PCDHGA10: variants seen among roughly 807,000 people sequenced by gnomAD.
PCDHGA10 encodes protocadherin gamma-A10.
PCDHGA10 carries 42 observed loss-of-function variants against 59.5 expected under a neutral mutation model. The ratio of observed to expected loss-of-function variants is 0.71; its 90% CI spans 0.55 to 0.91. The LOEUF (loss-of-function observed/expected upper bound fraction) is 0.91. Among genes scored for constraint, PCDHGA10 ranks in the 40% least tolerant of loss-of-function variants. The pLI, the probability that PCDHGA10 is intolerant of heterozygous loss-of-function variation, is 0.00. For missense variants in PCDHGA10, 1,111 were observed against 1,198.2 expected (o/e 0.93, Z 1.07); for synonymous variants, 511 against 517.2 (o/e 0.99, Z 0.16).
chr5:141,434,802 G>A (rs1009500775), intron 1 of PCDHGA10, among the ~76,000 whole-genome samples: 10 of 151,488 alleles, frequency 6.6e-5, no homozygotes, highest in African/African-American at 2.4e-4. Flanking sequence ...TTCTGAGCTT[G>A]GAGAAATATA....
rs1280755615 is a variant in PCDHGA10, at chr5:141,431,629, A to G, written c.2436+16018A>G. 1 of 1,614,246 alleles carries G rather than the reference A, an allele frequency of 6.2e-7. No individual in the cohort carries two copies. ...GGTATGTGGACGACAAGGCGGCCCA[A>G]GTTTTCAAACTAGATTGTAATTCAG... On this transcript the variant is annotated intron_variant, in intron 1 of 3. Transcript: ENST00000398610. The surrounding 1 kb of genome is among the most constrained non-coding windows in gnomAD (Gnocchi z 4.8).
At chr5:141,468,755 A>G (rs918829539) in intron 1 of PCDHGA10, among the ~76,000 whole-genome samples, 3 of 151,976 alleles carry the variant, frequency 2.0e-5, no homozygotes, top group African/African-American at 7.2e-5. Flanking sequence ...AGTCCCAGCT[A>G]CTCGGGAGGC....
Position 141,487,413 on chromosome 5 carries a change from A to G in PCDHGA10, c.2437-7394A>G, listed in dbSNP as rs1562119204. The G allele has an allele frequency of 1.2e-6, 2 of 1,614,172 alleles. No homozygotes were observed. The highest frequency in any genetic ancestry group is 2.2e-5 in the East Asian group (1 of 44,862). ...AGGAGGGAGGGGCTTCCCCCTTCCA[A>G]TGGGATCCTCCGAATCCAGCTAGGG... On this transcript the variant is annotated intron_variant, in intron 1 of 3. Coordinates refer to ENST00000398610, the MANE Select transcript of PCDHGA10 (RefSeq NM_018913.3). This position sits in a 1 kb window ranked among gnomAD's most constrained non-coding sequence, Gnocchi z 5.0.
intron 1 of PCDHGA10, among the ~76,000 whole-genome samples, chr5:141,445,490 C>T (rs1181158971): frequency 6.6e-6 from 1 of 152,134 alleles, no homozygotes; most frequent in Non-Finnish European, 1.5e-5. Flanking sequence ...AGTTAATGGG[C>T]CCTATTCTAA....
At chr5:141,473,733 G>A (rs943072050) in intron 1 of PCDHGA10, among the ~76,000 whole-genome samples, 19 of 152,214 alleles carry the variant, frequency 1.2e-4, no homozygotes, top group Admixed American at 3.9e-4. Flanking sequence ...GAGAGAGGGA[G>A]AAGACATGAG....
chr5:141,414,706 A>G lies in PCDHGA10; in HGVS notation c.1531A>G (p.Ile511Val). ...QGVPLSSYIS[I>V]NSDTGVLYAL... ...GGTACCTCTGTCCTCATACATATCC[A>G]TCAACTCAGACACTGGCGTCCTGTA... is the stretch of plus-strand genomic sequence containing the variant. The change falls in exon 1 of 4, where the codon ATC (isoleucine) becomes GTC (valine). Residue 511 changes from isoleucine (I) to valine (V), a missense_variant. By Grantham distance (29) the Ile-to-Val change is conservative (BLOSUM62 3). Transcript: ENST00000398610. 1 of 1,614,002 alleles carries G rather than the reference A, an allele frequency of 6.2e-7. No individual in the cohort carries two copies. The highest frequency in any genetic ancestry group is 1.1e-5 in the South Asian group (1 of 91,084).
chr5:141,433,358 C>CGTAT, intron 1 of PCDHGA10: 1 of 503,368 alleles, frequency 2.0e-6, no homozygotes, highest in Non-Finnish European at 3.5e-6. Context: ...CTACTGTCTG[C>CGTAT]CTATCTATCT....
At chr5:141,446,339 G>A (rs1455819111) in intron 1 of PCDHGA10, among the ~76,000 whole-genome samples, 1 of 152,164 alleles carries the variant, frequency 6.6e-6, no homozygotes, top group Non-Finnish European at 1.5e-5. Flanking sequence ...GAACTGGATG[G>A]ACAAAGCTAC....
rs558951022 is a variant in PCDHGA10 at position 141,501,554 on chromosome 5, C to T, written c.2496-3839C>T. On this transcript the variant is annotated intron_variant, in intron 2 of 3. Coordinates refer to ENST00000398610, the MANE Select transcript of PCDHGA10 (RefSeq NM_018913.3). ...CGTTGTTGTGCATAAGATCATAGGC[C>T]CTGGAATCATATTAGGCTGGCTTTC... is the stretch of plus-strand genomic sequence containing the variant. Among the ~76,000 whole-genome samples the T allele has an allele frequency of 3.3e-5, 5 of 152,044 alleles. No homozygotes were observed. In the East Asian group the frequency reaches 7.8e-4, roughly 24 times the overall value.
rs1225265096 is a variant in PCDHGA10 at position 141,490,666 on chromosome 5, G to A, written c.2437-4141G>A. Reference sequence around the variant, plus strand: ...GCCTCCGGGCTCCCTTCTTTGCACTGTGGCTGCCTCAGATCCAGACACTGG... The same window carrying A: ...GCCTCCGGGCTCCCTTCTTTGCACTATGGCTGCCTCAGATCCAGACACTGG... On this transcript the variant is annotated intron_variant, in intron 1 of 3. Coordinates refer to ENST00000398610, the MANE Select transcript of PCDHGA10 (RefSeq NM_018913.3). The surrounding 1 kb of genome is among the most constrained non-coding windows in gnomAD (Gnocchi z 5.4). The A allele has an allele frequency of 1.2e-6, 2 of 1,614,134 alleles. No homozygotes were observed. The highest frequency in any genetic ancestry group is 3.3e-5 in the Admixed American group (2 of 60,026).
At chr5:141,451,557 G>T (rs192150041) in intron 1 of PCDHGA10, among the ~76,000 whole-genome samples, 2 of 152,234 alleles carry the variant, frequency 1.3e-5, no homozygotes, top group East Asian at 3.9e-4. Context: ...TGTGATGAAA[G>T]CCACAATCTT....
intron 1 of PCDHGA10, chr5:141,418,539 A>C (rs984639830): frequency 6.2e-7 from 1 of 1,614,034 alleles, no homozygotes; most frequent in East Asian, 2.2e-5. Flanking sequence ...GGTACTGCTC[A>C]GATAAGAATC....
In PCDHGA10 at chr5:141,476,467, G is replaced by A. The variant is rs375302797; in HGVS notation, c.2437-18340G>A. On this transcript the variant is annotated intron_variant, in intron 1 of 3. Transcript: ENST00000398610. This position sits in a 1 kb window ranked among gnomAD's most constrained non-coding sequence, Gnocchi z 7.6. Reference sequence around the variant, plus strand: ...AGTTGGTAGTGGAGAACCCGCTGGAGCTGTTCAGCGTGGAAGTGGTGATCC... The same window carrying A: ...AGTTGGTAGTGGAGAACCCGCTGGAACTGTTCAGCGTGGAAGTGGTGATCC... The A allele has an allele frequency of 2.3e-5, 37 of 1,614,142 alleles. No individual in the cohort carries two copies. The African/African-American group carries it at 4.5e-4, about 20-fold the overall frequency.
intron 1 of PCDHGA10, among the ~76,000 whole-genome samples, chr5:141,474,193 A>C (rs2099345142): frequency 6.6e-6 from 1 of 152,256 alleles, no homozygotes. Context: ...TACATTTTTA[A>C]AAGCTGATTT....
In PCDHGA10 at chr5:141,490,701, C is replaced by T; in HGVS notation, c.2437-4106C>T. On this transcript the variant is annotated intron_variant, in intron 1 of 3. Transcript: ENST00000398610. This position sits in a 1 kb window ranked among gnomAD's most constrained non-coding sequence, Gnocchi z 5.4. Reference sequence around the variant, plus strand: ...CAGATCCAGACACTGGGGATAATGCCCGCCTCACCTACTCCATTGTAGGAA... The same window carrying T: ...CAGATCCAGACACTGGGGATAATGCTCGCCTCACCTACTCCATTGTAGGAA... The T allele has an allele frequency of 6.2e-7, 1 of 1,614,184 alleles. No individual in the cohort carries two copies. The highest frequency in any genetic ancestry group is 8.5e-7 in the Non-Finnish European group (1 of 1,180,008).
Position 141,510,980 on chromosome 5 carries a change from G to C in PCDHGA10, c.2618G>C (p.Gly873Ala), listed in dbSNP as rs1466168256. 12 of 1,614,170 alleles carry C rather than the reference G, an allele frequency of 7.4e-6. No individual in the cohort carries two copies. The highest frequency in any genetic ancestry group is 9.3e-6 in the Non-Finnish European group (11 of 1,180,014). ...AADGSSTLGG[G>A]AGTMGLSARY... ...GATGGGAGCTCCACCCTGGGAGGGG[G>C]TGCCGGCACCATGGGATTGAGCGCC... is the stretch of plus-strand genomic sequence containing the variant. Residue 873 changes from glycine (G) to alanine (A), a missense_variant, in exon 4 of 4, where the codon GGT becomes GCT. By Grantham distance (60) the Gly-to-Ala change is moderately conservative (BLOSUM62 0). Transcript: ENST00000398610.
Position 141,485,751 on chromosome 5 carries a change from A to G in PCDHGA10, c.2437-9056A>G. ...CGCAGCGACGGCAGCCTGGTCCCAG[A>G]GCTGCTCCTGGAGAAGCCTTTGGAT... is the stretch of plus-strand genomic sequence containing the variant. On this transcript the variant is annotated intron_variant, in intron 1 of 3. Coordinates refer to ENST00000398610, the MANE Select transcript of PCDHGA10 (RefSeq NM_018913.3). This position sits in a 1 kb window ranked among gnomAD's most constrained non-coding sequence, Gnocchi z 5.7. 6.2e-7 allele frequency: 1 copy of G among 1,614,166 alleles called. No individual in the cohort carries two copies. Among genetic ancestry groups the G allele is most frequent in the Non-Finnish European group, 8.5e-7 (1 of 1,179,998 alleles).
chr5:141,474,837 C>T (rs1250443544), intron 1 of PCDHGA10, among the ~76,000 whole-genome samples: 2 of 152,214 alleles, frequency 1.3e-5, no homozygotes, highest in Admixed American at 6.5e-5. Flanking sequence ...CTGTGCCAGG[C>T]ACTTTACCTG....
rs750233767 is a variant in PCDHGA10 at position 141,490,877 on chromosome 5, C to A, written c.2437-3930C>A. 1 of 1,613,880 alleles carries A rather than the reference C, an allele frequency of 6.2e-7. No individual in the cohort carries two copies. Among genetic ancestry groups the A allele is most frequent in the Non-Finnish European group, 8.5e-7 (1 of 1,179,900 alleles). On this transcript the variant is annotated intron_variant, in intron 1 of 3. Coordinates refer to ENST00000398610, the MANE Select transcript of PCDHGA10 (RefSeq NM_018913.3). This position sits in a 1 kb window ranked among gnomAD's most constrained non-coding sequence, Gnocchi z 5.4. Reference sequence around the variant, plus strand: ...GACTCCGGCTCTCCCCCATTGCATGCCAACACATCTCTGCATGTGTTTGTC... The same window carrying A: ...GACTCCGGCTCTCCCCCATTGCATGACAACACATCTCTGCATGTGTTTGTC...
Sources: gnomAD v4.1 joint callset for allele counts (sites outside exome capture counted in the v4.1 genomes callset) on GRCh38, gnomAD v4.1.1 for gene constraint, Gnocchi (gnomAD v3.1) non-coding constraint, MANE v1.5 for transcripts, NCBI Gene and HGNC (gene_info 2026-07-23, HGNC 2026-07-21) for gene names.